CFAP299: variants seen among roughly 807,000 people sequenced by gnomAD.
The protein encoded by CFAP299 is cilia- and flagella-associated protein 299.
CFAP299 carries 21 observed loss-of-function variants against 27.0 expected under a neutral mutation model. That is an observed-to-expected ratio of 0.78 (90% CI 0.55 to 1.12). The LOEUF (loss-of-function observed/expected upper bound fraction) is 1.12. Among genes scored for constraint, CFAP299 ranks in the 50% most tolerant of loss-of-function variants. The pLI, the probability that CFAP299 is intolerant of heterozygous loss-of-function variation, is 0.00. For synonymous variants in CFAP299, 104 were observed against 98.1 expected (o/e 1.06, Z -0.36); for missense variants, 310 against 276.6 (o/e 1.12, Z -0.86).
chr4:80,590,142 A>G (rs1736651764), intron 3 of CFAP299, among the ~76,000 whole-genome samples: 1 of 152,210 alleles, frequency 6.6e-6, no homozygotes, highest in South Asian at 2.1e-4. Context: ...ACATAGGATC[A>G]TCTCAAAGAC....
rs796548197 is a variant in CFAP299 at position 80,591,117 on chromosome 4, T to A, written c.333+7934T>A. Among the ~76,000 whole-genome samples, 8 of 143,350 alleles carry A rather than the reference T, an allele frequency of 5.6e-5. No individual in the cohort carries two copies. In the East Asian group the frequency reaches 6.0e-4, roughly 11 times the overall value. 94.0% of individuals were successfully genotyped at this position (143,350 alleles called of 152,430 possible). ...AATACTTTAGGAAATTTTTTTTTTT[T>A]TTTTTTTTTTTTTTATTTTTTTTTG... On this transcript the variant is annotated intron_variant, in intron 3 of 5. Coordinates refer to ENST00000358105, the MANE Select transcript of CFAP299 (RefSeq NM_152770.3).
At chr4:80,863,570 T>C (rs1051290468) in intron 3 of CFAP299, among the ~76,000 whole-genome samples, 20 of 152,176 alleles carry the variant, frequency 1.3e-4, no homozygotes, top group Admixed American at 1.3e-3. Context: ...TATTCCCCAC[T>C]TCAATATCAG....
At chr4:80,600,085 A>G (rs1737253840) in intron 3 of CFAP299, among the ~76,000 whole-genome samples, 2 of 152,124 alleles carry the variant, frequency 1.3e-5, no homozygotes, top group African/African-American at 4.8e-5. Context: ...ACTTATAAAT[A>G]GCAGATTACC....
chr4:80,447,844 C>T (rs1206777748), intron 2 of CFAP299, among the ~76,000 whole-genome samples: 2 of 152,140 alleles, frequency 1.3e-5, no homozygotes, highest in East Asian at 1.9e-4. Flanking sequence ...AGTCAGTTTT[C>T]TATACTCTGG....
At chr4:80,846,277 T>C (rs374564795) in intron 3 of CFAP299, among the ~76,000 whole-genome samples, 3 of 152,140 alleles carry the variant, frequency 2.0e-5, no homozygotes, top group African/African-American at 7.2e-5. Flanking sequence ...TAAGAGAAGA[T>C]GGTCAGATGG....
chr4:80,356,334 A>G (rs1038590363), intron 1 of CFAP299, among the ~76,000 whole-genome samples: 1 of 152,098 alleles, frequency 6.6e-6, no homozygotes, highest in Non-Finnish European at 1.5e-5. Flanking sequence ...TTTTAGTTCC[A>G]TATGTATTTT....
At chr4:80,380,258 C>T (rs185335379) in intron 2 of CFAP299, among the ~76,000 whole-genome samples, 19 of 151,946 alleles carry the variant, frequency 1.3e-4, no homozygotes, top group Middle Eastern at 6.8e-3. Flanking sequence ...CCTCTTTGAG[C>T]CTAAAATACA....
chr4:80,599,284 A>T (rs1224119677), intron 3 of CFAP299, among the ~76,000 whole-genome samples: 1 of 152,124 alleles, frequency 6.6e-6, no homozygotes, highest in African/African-American at 2.4e-5. Flanking sequence ...CATTTTCTGC[A>T]TAATTTGTTT....
At chr4:80,390,320 T>G (rs925706488) in intron 2 of CFAP299, among the ~76,000 whole-genome samples, 3 of 151,788 alleles carry the variant, frequency 2.0e-5, no homozygotes, top group Non-Finnish European at 4.4e-5. Context: ...GTTCTCTGCT[T>G]TTATGAGTTT....
At chr4:80,925,949 G>A (rs1453615502) in intron 4 of CFAP299, among the ~76,000 whole-genome samples, 1 of 152,054 alleles carries the variant, frequency 6.6e-6, no homozygotes, top group Admixed American at 6.6e-5. Context: ...AGTTATTACA[G>A]AACAGAACTT....
chr4:80,861,721 T>C (rs1034324275), intron 3 of CFAP299, among the ~76,000 whole-genome samples: 1 of 152,188 alleles, frequency 6.6e-6, no homozygotes, highest in Non-Finnish European at 1.5e-5. Flanking sequence ...TAGAAATTTA[T>C]TTTACACAAA....
chr4:80,537,627 A>G (rs933674916), intron 2 of CFAP299, among the ~76,000 whole-genome samples: 2 of 152,170 alleles, frequency 1.3e-5, no homozygotes, highest in Non-Finnish European at 2.9e-5. Context: ...TGTGGAATCT[A>G]AAAGAGTTGA....
chr4:80,442,415 C>T (rs537210293), intron 2 of CFAP299, among the ~76,000 whole-genome samples: 3 of 152,262 alleles, frequency 2.0e-5, no homozygotes, highest in African/African-American at 7.2e-5. Flanking sequence ...CTCAAAACCG[C>T]AGAACTACAT....
chr4:80,712,223 C>G (rs1722217699), intron 3 of CFAP299, among the ~76,000 whole-genome samples: 2 of 152,152 alleles, frequency 1.3e-5, no homozygotes, highest in Admixed American at 6.6e-5. Flanking sequence ...GCCATACTCT[C>G]CTCAGAACCA....
intron 3 of CFAP299, among the ~76,000 whole-genome samples, chr4:80,840,913 G>A (rs1730828474): frequency 6.6e-6 from 1 of 152,012 alleles, no homozygotes; most frequent in African/African-American, 2.4e-5. Flanking sequence ...AAGAGCTTAA[G>A]TTAGTTATCT....
chr4:80,364,082 G>T (rs1036779889), intron 2 of CFAP299, among the ~76,000 whole-genome samples: 2 of 3,572 alleles, frequency 5.6e-4, no homozygotes, highest in Non-Finnish European at 1.0e-3. Context: ...GCGAGACTCC[G>T]TCTCAAAACA....
intron 3 of CFAP299, among the ~76,000 whole-genome samples, chr4:80,740,020 C>A (rs1217397178): frequency 6.6e-6 from 1 of 151,864 alleles, no homozygotes; most frequent in African/African-American, 2.4e-5. Flanking sequence ...TATTTAATTT[C>A]TTTGTTACAT....
intron 1 of CFAP299, among the ~76,000 whole-genome samples, chr4:80,337,460 C>T (rs539011054): frequency 6.6e-6 from 1 of 151,816 alleles, no homozygotes; most frequent in African/African-American, 2.4e-5. Flanking sequence ...TGCAGTGGCC[C>T]CATCTCGGCT....
At chr4:80,953,023 C>G (rs879616706) in intron 5 of CFAP299, among the ~76,000 whole-genome samples, 1 of 152,096 alleles carries the variant, frequency 6.6e-6, no homozygotes, top group Non-Finnish European at 1.5e-5. Flanking sequence ...CAGTGAAGGT[C>G]CTCAGTTTTA....
Sources: allele counts gnomAD v4.1 joint callset (sites outside exome capture counted in the v4.1 genomes callset), GRCh38; gene constraint gnomAD v4.1.1; transcripts MANE v1.5; gene names NCBI Gene and HGNC (gene_info 2026-07-23, HGNC 2026-07-21).